Variants in CYP4F12 observed in about 807,000 individuals in gnomAD.
The protein encoded by CYP4F12 is cytochrome P450 family 4 subfamily F member 12.
CYP4F12 carries 60 observed loss-of-function variants against 56.5 expected under a neutral mutation model. The observed-to-expected ratio is 1.06, with a 90% CI of 0.86 to 1.32. The LOEUF is 1.32. CYP4F12 is among the 40% of genes most tolerant of loss of function. The probability of loss-of-function intolerance (pLI) is 0.00; values close to 1 mark genes in which losing one functional copy is unlikely to be tolerated. For missense variants in CYP4F12, 711 were observed against 683.5 expected, an observed-to-expected ratio of 1.04 and a Z score of -0.45; for synonymous variants, 263 against 264.9, an observed-to-expected ratio of 0.99 and a Z score of 0.07.
intron 9 of CYP4F12, among the ~76,000 whole-genome samples, chr19:15,695,503 T>TAA (rs71176772): frequency 8.9e-6 from 1 of 112,654 alleles, no homozygotes; most frequent in Non-Finnish European, 1.8e-5. Context: ...ATAATAATAA[T>TAA]AAAAAAAAAA....
At chr19:15,696,857 G>T in intron 12 of CYP4F12, 51 bp from the exon 13 acceptor site, 1 of 1,560,230 alleles carries the variant, frequency 6.4e-7, no homozygotes. Context: ...GGGTTGATGG[G>T]ACCCAAATGC....
intron 9 of CYP4F12, among the ~76,000 whole-genome samples, chr19:15,692,726 T>A (rs1448936893): frequency 6.6e-6 from 1 of 152,140 alleles, no homozygotes; most frequent in Non-Finnish European, 1.5e-5. Flanking sequence ...AGGGATAACC[T>A]TATTTTGACG....
chr19:15,687,982 C>T (rs2007700499), intron 9 of CYP4F12, among the ~76,000 whole-genome samples: 1 of 152,068 alleles, frequency 6.6e-6, no homozygotes, highest in African/African-American at 2.4e-5. Context: ...GACCAGAACC[C>T]GGGAGGCAAG....
intron 3 of CYP4F12, among the ~76,000 whole-genome samples, chr19:15,678,948 G>C (rs986219024): frequency 7.2e-5 from 11 of 152,292 alleles, no homozygotes; most frequent in African/African-American, 2.4e-4. Context: ...ATCCACCTAT[G>C]ATGGGTCAGT....
At chr19:15,674,341 A>C (rs149034760) in intron 2 of CYP4F12, among the ~76,000 whole-genome samples, 55 of 7,948 alleles carry the variant, frequency 6.9e-3, no homozygotes, top group African/African-American at 0.01. Context: ...TCATTCCTCT[A>C]CCCACTCACT....
At chr19:15,674,822 C>A (rs1338456290) in intron 2 of CYP4F12, among the ~76,000 whole-genome samples, 2 of 152,190 alleles carry the variant, frequency 1.3e-5, no homozygotes, top group Non-Finnish European at 2.9e-5. Context: ...TCCTGCCTGT[C>A]TTCCCTACCG....
At chr19:15,681,430 G>A (rs1234616279) in intron 5 of CYP4F12, 2 of 152,216 alleles carry the variant, frequency 1.3e-5, no homozygotes, top group Non-Finnish European at 2.9e-5. Flanking sequence ...CATTCTAACA[G>A]ATTCCTGGGT....
At chr19:15,674,085 A>G (rs139584817) in intron 2 of CYP4F12, among the ~76,000 whole-genome samples, 1 of 1,588 alleles carries the variant, frequency 6.3e-4, no homozygotes, top group Non-Finnish European at 1.3e-3. Context: ...TCATTCCTCT[A>G]CCCACTCACT....
intron 9 of CYP4F12, among the ~76,000 whole-genome samples, chr19:15,690,603 C>A (rs1204647507): frequency 6.6e-6 from 1 of 152,182 alleles, no homozygotes; most frequent in African/African-American, 2.4e-5. Context: ...TGGCTCATTT[C>A]ACTTAGCATA....
At chr19:15,696,557 G>C in intron 12 of CYP4F12, 45 bp downstream of exon 12, 1 of 1,578,034 alleles carries the variant, frequency 6.3e-7, no homozygotes, top group Non-Finnish European at 8.6e-7. Context: ...TGATGGGTGC[G>C]GGAGTTAAAA....
At chr19:15,687,952 G>A (rs975743292) in intron 9 of CYP4F12, among the ~76,000 whole-genome samples, 6 of 152,230 alleles carry the variant, frequency 3.9e-5, no homozygotes, top group South Asian at 4.1e-4. Context: ...ATATAACCTC[G>A]AGTGGGGATG....
intron 2 of CYP4F12, among the ~76,000 whole-genome samples, chr19:15,677,552 C>A (rs199899754): frequency 0.52 from 5,737 of 10,980 alleles, 2,168 homozygotes; most frequent in East Asian, 0.97. Flanking sequence ...TCATTCCTCT[C>A]CTCACTCACT....
At chr19:15,683,110 AAG>A (rs1168494751) in intron 6 of CYP4F12, among the ~76,000 whole-genome samples, 1 of 147,434 alleles carries the variant, frequency 6.8e-6, no homozygotes, top group Non-Finnish European at 1.5e-5. Flanking sequence ...GAGAGAGAGA[AAG>A]AGAGAGAGAG....
intron 11 of CYP4F12, 91 bp downstream of exon 11, chr19:15,696,316 G>A: frequency 1.2e-6 from 2 of 1,610,542 alleles, no homozygotes; most frequent in South Asian, 2.2e-5. Flanking sequence ...GAGGGGGCAG[G>A]GTTTTGATGA....
intron 9 of CYP4F12, among the ~76,000 whole-genome samples, chr19:15,692,252 C>A (rs946328287): frequency 1.3e-5 from 2 of 152,146 alleles, no homozygotes; most frequent in African/African-American, 2.4e-5. Context: ...TAATATCTGG[C>A]AGAGTGGCTT....
intron 9 of CYP4F12, among the ~76,000 whole-genome samples, chr19:15,692,792 CG>C (rs1479363277): frequency 2.0e-5 from 3 of 152,054 alleles, no homozygotes; most frequent in Non-Finnish European, 4.4e-5. Flanking sequence ...AAAAGATACA[CG>C]CCAGCCACGG....
In CYP4F12 at chr19:15,673,736, G is replaced by A. The variant is rs2144699217; in HGVS notation, c.198+9G>A. On this transcript the variant is annotated intron_variant, in intron 2 of 12. Coordinates refer to ENST00000550308, the MANE Select transcript of CYP4F12 (RefSeq NM_023944.4). ...GGGGTCACCTGGGCCTGGTGAGTGT[G>A]ACAGCAAAATGTGTCTGGGGTCTCA... is the stretch of plus-strand genomic sequence containing the variant. 1.2e-6 allele frequency: 2 copies of A among 1,613,722 alleles called. No individual in the cohort carries two copies. The highest frequency in any genetic ancestry group is 4.5e-5 in the East Asian group (2 of 44,876).
chr19:15,687,202 G>T (rs917528124), intron 9 of CYP4F12, among the ~76,000 whole-genome samples: 1 of 151,714 alleles, frequency 6.6e-6, no homozygotes, highest in African/African-American at 2.4e-5. Flanking sequence ...GCGTGAACCC[G>T]GGTGGCGGAG....
At chr19:15,687,658 A>AG (rs1308279914) in intron 9 of CYP4F12, among the ~76,000 whole-genome samples, 1 of 152,172 alleles carries the variant, frequency 6.6e-6, no homozygotes, top group Non-Finnish European at 1.5e-5. Flanking sequence ...TCAGAGTAAG[A>AG]GGGGGAGAGA....
Sources: allele counts gnomAD v4.1 joint callset (sites outside exome capture counted in the v4.1 genomes callset), GRCh38; gene constraint gnomAD v4.1.1; transcripts MANE v1.5; gene names NCBI Gene and HGNC (gene_info 2026-07-23, HGNC 2026-07-21).